The following PDE4B variants were observed in gnomAD, a reference collection of about 807,000 sequenced individuals.
The protein encoded by PDE4B is phosphodiesterase 4B, also known as 3',5'-cyclic-AMP phosphodiesterase 4B.
A neutral mutation model predicts 82.2 loss-of-function variants in PDE4B; 20 were observed. The ratio of observed to expected loss-of-function variants is 0.24; its 90% CI spans 0.17 to 0.35. The LOEUF is 0.35. Among genes scored for constraint, PDE4B ranks in the 10% least tolerant of loss-of-function variants. The pLI is 1.00. For synonymous variants in PDE4B, 320 were observed against 318.9 expected (o/e 1.00, Z -0.04); for missense variants, 655 against 907.2 (o/e 0.72, Z 3.57).
At chr1:66,254,926 T>G (rs974228004) in intron 4 of PDE4B, among the ~76,000 whole-genome samples, 1 of 152,172 alleles carries the variant, frequency 6.6e-6, no homozygotes, top group Non-Finnish European at 1.5e-5. Flanking sequence ...CAAGGCATTT[T>G]ACTTTCTAAA....
intron 2 of PDE4B, among the ~76,000 whole-genome samples, chr1:65,914,640 A>G (rs901339288): frequency 6.7e-6 from 1 of 150,348 alleles, no homozygotes; most frequent in African/African-American, 2.4e-5. Flanking sequence ...GTCCCTTAAT[A>G]CTATTTGTAT....
chr1:66,113,682 C>T (rs896650448), intron 3 of PDE4B, among the ~76,000 whole-genome samples: 2 of 152,130 alleles, frequency 1.3e-5, no homozygotes, highest in Non-Finnish European at 2.9e-5. Flanking sequence ...TTCATATCTC[C>T]TTTAAGATAT....
rs376063212 is a variant in PDE4B at position 66,122,075 on chromosome 1, G to C, written c.282-125385G>C. On this transcript the variant is annotated intron_variant, in intron 3 of 16. Transcript: ENST00000341517. The stretch of plus-strand genomic sequence containing the variant: ...CATCTTTATAATAAAGCAGTTAAGA[G>C]CAACAACTTTGAAGTCACATGGCCG... 1.2e-4 allele frequency among the ~76,000 whole-genome samples: 18 copies of C among 152,026 alleles called. No individual in the cohort carries two copies. The South Asian group carries it at 3.7e-3, about 32-fold the overall frequency.
At chr1:66,172,273 A>G (rs1646851696) in intron 3 of PDE4B, among the ~76,000 whole-genome samples, 1 of 152,214 alleles carries the variant, frequency 6.6e-6, no homozygotes, top group African/African-American at 2.4e-5. Context: ...GCCGCAAAGG[A>G]CATGACTTCA....
At chr1:66,058,708 G>A (rs563322938) in intron 3 of PDE4B, among the ~76,000 whole-genome samples, 30 of 152,334 alleles carry the variant, frequency 2.0e-4, no homozygotes, top group African/African-American at 6.7e-4. Flanking sequence ...GGCTGGAGAG[G>A]CTGGGATGCG....
chr1:65,995,711 G>A (rs1043842654), intron 3 of PDE4B, among the ~76,000 whole-genome samples: 5 of 152,120 alleles, frequency 3.3e-5, no homozygotes, highest in South Asian at 2.1e-4. Context: ...AGCCTTTCAC[G>A]ATCAACAATT....
In PDE4B at chr1:66,187,985, T is replaced by G. The variant is rs942142573; in HGVS notation, c.282-59475T>G. Among the ~76,000 whole-genome samples, 47 of 148,552 alleles carry G rather than the reference T, an allele frequency of 3.2e-4. No individual in the cohort carries two copies. In the South Asian group the frequency reaches 4.3e-3, roughly 13 times the overall value. ...TTGTGGGCATTTAGTGCTATAAATT[T>G]CCCTCTACACACTGCTTTGAATGTG... On this transcript the variant is annotated intron_variant, in intron 3 of 16. Transcript: ENST00000341517.
chr1:66,310,839 A>G (rs147902667), intron 7 of PDE4B, among the ~76,000 whole-genome samples: 1 of 152,302 alleles, frequency 6.6e-6, no homozygotes, highest in African/African-American at 2.4e-5. Flanking sequence ...CTGTTTTCTT[A>G]TCTGTAAAAT....
At chr1:66,230,641 A>C (rs1651875052) in intron 3 of PDE4B, among the ~76,000 whole-genome samples, 1 of 152,246 alleles carries the variant, frequency 6.6e-6, no homozygotes, top group South Asian at 2.1e-4. Flanking sequence ...GCCTTTAAAC[A>C]GACAAAACAG....
At chr1:65,873,322 A>C (rs1016380544) in intron 1 of PDE4B, among the ~76,000 whole-genome samples, 1 of 152,196 alleles carries the variant, frequency 6.6e-6, no homozygotes, top group Non-Finnish European at 1.5e-5. Context: ...GCAGCAATGA[A>C]ACGTGACGGG....
intron 7 of PDE4B, among the ~76,000 whole-genome samples, chr1:66,278,515 T>C (rs943596260): frequency 6.6e-6 from 1 of 152,182 alleles, no homozygotes; most frequent in Non-Finnish European, 1.5e-5. Flanking sequence ...GAGTTCTCCA[T>C]TTGCTGCCTT....
At chr1:66,200,906 A>G (rs536934828) in intron 3 of PDE4B, among the ~76,000 whole-genome samples, 1,823 of 152,046 alleles carry the variant, frequency 0.012, 15 homozygotes, top group African/African-American at 0.018. Context: ...GTGAGAGAGG[A>G]CATCCCTGTC....
At chr1:66,227,895 G>T (rs917151672) in intron 3 of PDE4B, among the ~76,000 whole-genome samples, 1 of 152,092 alleles carries the variant, frequency 6.6e-6, no homozygotes, top group Non-Finnish European at 1.5e-5. Flanking sequence ...AGGACATCTC[G>T]GGCCTTTTGA....
chr1:66,231,553 C>T (rs778006821), intron 3 of PDE4B, among the ~76,000 whole-genome samples: 16 of 152,282 alleles, frequency 1.1e-4, no homozygotes, highest in Middle Eastern at 3.4e-3. Context: ...ACTTGTTTTA[C>T]TGTTGGTGAT....
At chr1:65,848,520 G>C (rs72933436) in intron 1 of PDE4B, among the ~76,000 whole-genome samples, 2,131 of 152,162 alleles carry the variant, frequency 0.014, 51 homozygotes, top group African/African-American at 0.049. Context: ...ATTATCTTAA[G>C]AGTCTCTTGT....
chr1:65,855,694 T>A (rs956484507), intron 1 of PDE4B, among the ~76,000 whole-genome samples: 3 of 152,188 alleles, frequency 2.0e-5, no homozygotes, highest in Non-Finnish European at 4.4e-5. Flanking sequence ...GAGCCCCCGC[T>A]TTTTCCTATA....
chr1:66,245,943 C>T (rs1023422772), intron 3 of PDE4B, among the ~76,000 whole-genome samples: 2 of 152,100 alleles, frequency 1.3e-5, no homozygotes, highest in Admixed American at 6.5e-5. Flanking sequence ...GCTGCCTCCC[C>T]GTTTTCATTC....
At chr1:65,916,914 A>G (rs1478343184) in intron 2 of PDE4B, among the ~76,000 whole-genome samples, 2 of 152,186 alleles carry the variant, frequency 1.3e-5, no homozygotes, top group Non-Finnish European at 2.9e-5. Flanking sequence ...CTGATACTGA[A>G]CTATGATTCT....
chr1:66,017,494 G>T (rs1404952949), intron 3 of PDE4B, among the ~76,000 whole-genome samples: 1 of 152,184 alleles, frequency 6.6e-6, no homozygotes, highest in Non-Finnish European at 1.5e-5. Context: ...GTATTCAGTG[G>T]TGGTGGTAGA....
Sources: gnomAD v4.1 joint callset for allele counts (sites outside exome capture counted in the v4.1 genomes callset) on GRCh38, gnomAD v4.1.1 for gene constraint, MANE v1.5 for transcripts, NCBI Gene and HGNC (gene_info 2026-07-23, HGNC 2026-07-21) for gene names.